ATXN1: variants seen among roughly 807,000 people sequenced by gnomAD.
The protein encoded by ATXN1 is ataxin 1.
In ATXN1, 8 loss-of-function variants were observed where a neutral mutation model predicts 56.4. That is an observed-to-expected ratio of 0.14 (90% CI 0.08 to 0.26). The LOEUF (loss-of-function observed/expected upper bound fraction) is 0.26, where lower values mean the gene tolerates loss of function less well. ATXN1 is among the 10% of genes least tolerant of loss of function. The pLI, the probability that ATXN1 is intolerant of heterozygous loss-of-function variation, is 1.00. For missense variants in ATXN1, 987 were observed against 1,106.5 expected (o/e 0.89, Z 1.53); for synonymous variants, 514 against 494.6 (o/e 1.04, Z -0.52).
At chr6:16,513,117 G>A (rs997469222) in intron 5 of ATXN1, among the ~76,000 whole-genome samples, 2 of 152,188 alleles carry the variant, frequency 1.3e-5, no homozygotes, top group African/African-American at 4.8e-5. Context: ...TACGCCAACA[G>A]AACTAATCTC....
At chr6:16,716,795 C>T (rs372928562) in intron 2 of ATXN1, among the ~76,000 whole-genome samples, 2 of 152,146 alleles carry the variant, frequency 1.3e-5, no homozygotes, top group Non-Finnish European at 2.9e-5. Flanking sequence ...ACTTTATTTA[C>T]AAGAACAGGC....
intron 6 of ATXN1, among the ~76,000 whole-genome samples, chr6:16,349,700 A>C (rs1365267710): frequency 1.3e-5 from 2 of 152,148 alleles, no homozygotes; most frequent in African/African-American, 4.8e-5. Context: ...TAAGTCTCTA[A>C]AATTGTCTTC....
At chr6:16,540,529 A>G (rs896398631) in intron 4 of ATXN1, among the ~76,000 whole-genome samples, 1 of 152,084 alleles carries the variant, frequency 6.6e-6, no homozygotes, top group African/African-American at 2.4e-5. Context: ...AGCTCTCCCA[A>G]CAGCCCAGTG....
At chr6:16,543,541 A>C (rs928550084) in intron 4 of ATXN1, among the ~76,000 whole-genome samples, 2 of 151,832 alleles carry the variant, frequency 1.3e-5, no homozygotes. Flanking sequence ...TTGAACTCCT[A>C]AATATGCCTT....
intron 6 of ATXN1, among the ~76,000 whole-genome samples, chr6:16,346,697 G>A (rs190170306): frequency 6.6e-6 from 1 of 152,214 alleles, no homozygotes; most frequent in African/African-American, 2.4e-5. Context: ...AGGCTGGAGT[G>A]TAGTGAGAGG....
In ATXN1 at chr6:16,306,030, T is replaced by G; in HGVS notation, c.*299A>C. The G allele has an allele frequency of 3.7e-6, 1 of 271,220 alleles. No homozygotes were observed. Among genetic ancestry groups the G allele is most frequent in the Non-Finnish European group, 7.1e-6 (1 of 140,382 alleles). The allele number at this position is 271,220 out of a possible 1,614,324, so 16.8% of individuals were successfully genotyped here. The stretch of plus-strand genomic sequence containing the variant: ...GGGAGTCAGCGCCCCCGGCTGCTTC[T>G]GTGCCGCTAGAGAAGGCAGGCACTG... On this transcript the variant is annotated 3_prime_UTR_variant, in exon 8 of 8. Transcript: ENST00000436367. The surrounding 1 kb of genome is among the most constrained non-coding windows in gnomAD (Gnocchi z 5.2).
rs1762301962 is a variant in ATXN1 at position 16,569,927 on chromosome 6, T to C, written c.-361+15853A>G. On this transcript the variant is annotated intron_variant, in intron 4 of 7. Transcript: ENST00000436367. ...GAAGATCCTTAGGGTCTCCCAACAC[T>C]GAGGGAATGTCTGAGCCTTGCGATA... 2.0e-5 allele frequency among the ~76,000 whole-genome samples: 3 copies of C among 152,146 alleles called. No individual in the cohort carries two copies. In the South Asian group the frequency reaches 6.2e-4, roughly 31 times the overall value.
chr6:16,359,548 G>A (rs903399666), intron 6 of ATXN1, among the ~76,000 whole-genome samples: 1 of 152,054 alleles, frequency 6.6e-6, no homozygotes, highest in African/African-American at 2.4e-5. Context: ...GCTAAGAGGA[G>A]TGCTTCAGAG....
intron 7 of ATXN1, among the ~76,000 whole-genome samples, chr6:16,310,654 A>G (rs4317413): frequency 0.071 from 10,862 of 151,964 alleles, 1,107 homozygotes; most frequent in East Asian, 0.53. Flanking sequence ...ACGCCCAGCT[A>G]CTTTTTGTAT....
At chr6:16,759,347 G>A (rs1404656683) in intron 1 of ATXN1, among the ~76,000 whole-genome samples, 1 of 152,236 alleles carries the variant, frequency 6.6e-6, no homozygotes, top group Non-Finnish European at 1.5e-5. Context: ...TTCTGTGGGT[G>A]TAATAGGGTC....
chr6:16,501,331 A>C (rs941070586), intron 5 of ATXN1, among the ~76,000 whole-genome samples: 1 of 152,194 alleles, frequency 6.6e-6, no homozygotes, highest in African/African-American at 2.4e-5. Context: ...TTTTACTTTA[A>C]GTTCTGGGAT....
chr6:16,742,370 G>A lies in ATXN1; in HGVS notation c.-615+10863C>T, dbSNP rs3806145. Among the ~76,000 whole-genome samples, 3,188 of 152,166 alleles carry A rather than the reference G, an allele frequency of 0.021. 199 individuals are homozygous for A. The East Asian group carries it at 0.24, about 12-fold the overall frequency. On this transcript the variant is annotated intron_variant, in intron 2 of 7. Coordinates refer to ENST00000436367, the MANE Select transcript of ATXN1 (RefSeq NM_001128164.2). ...ACCCAGGCAGCTCCAGAGGTGAACT[G>A]GACACAGAGCCTGGAAAAGGGGAAG...
At chr6:16,638,385 G>A (rs1763638115) in intron 3 of ATXN1, among the ~76,000 whole-genome samples, 1 of 149,640 alleles carries the variant, frequency 6.7e-6, no homozygotes. Flanking sequence ...GGTTGAGGCT[G>A]CAGTGAGCCA....
At chr6:16,311,209 T>C (rs1222730789) in intron 7 of ATXN1, among the ~76,000 whole-genome samples, 8 of 152,236 alleles carry the variant, frequency 5.3e-5, no homozygotes, top group Admixed American at 5.2e-4. Flanking sequence ...TGGAATAGTA[T>C]TGCTCTTCCA....
In ATXN1 at chr6:16,301,030, T is replaced by C. The variant is rs1760077681; in HGVS notation, c.*5299A>G. On this transcript the variant is annotated 3_prime_UTR_variant, in exon 8 of 8. Coordinates refer to ENST00000436367, the MANE Select transcript of ATXN1 (RefSeq NM_001128164.2). ...CCATAACCATACAAATCTGATCATTTAGACATGACAAATTTCTATATACAA... is the reference window on the plus strand; with the variant it reads ...CCATAACCATACAAATCTGATCATTCAGACATGACAAATTTCTATATACAA... The C allele has an allele frequency of 6.6e-6, 1 of 151,724 alleles. No individual in the cohort carries two copies. Among genetic ancestry groups the C allele is most frequent in the Non-Finnish European group, 1.5e-5 (1 of 67,922 alleles). 9.4% of individuals were successfully genotyped at this position (151,724 alleles called of 1,614,324 possible). A position where few individuals can be genotyped will look rare whatever the true frequency, so the allele number is the denominator to read the frequency against.
At chr6:16,387,613 T>C (rs9464887) in intron 6 of ATXN1, among the ~76,000 whole-genome samples, 18,359 of 152,252 alleles carry the variant, frequency 0.12, 1,188 homozygotes, top group African/African-American at 0.15. Flanking sequence ...CCGGGAGTGC[T>C]TGTTGTGTTG....
chr6:16,532,517 A>C (rs1011675470), intron 4 of ATXN1, among the ~76,000 whole-genome samples: 1 of 152,206 alleles, frequency 6.6e-6, no homozygotes, highest in African/African-American at 2.4e-5. Context: ...CTTGAGCAAC[A>C]ACAAAAAACA....
In ATXN1 at chr6:16,301,085, C is replaced by CCTTTT. The variant is rs1760081584; in HGVS notation, c.*5243_*5244insAAAAG. On this transcript the variant is annotated 3_prime_UTR_variant, in exon 8 of 8. Coordinates refer to ENST00000436367, the MANE Select transcript of ATXN1 (RefSeq NM_001128164.2). The stretch of plus-strand genomic sequence containing the variant: ...ACATGTAACTTTCAACCCTTCTCTG[C>CCTTTT]TTTTTTTTTTTTACAAACAAAGTAT... 6.8e-6 allele frequency: 1 copy of CCTTTT among 146,470 alleles called. No homozygotes were observed. Among genetic ancestry groups the CCTTTT allele is most frequent in the Admixed American group, 6.8e-5 (1 of 14,712 alleles). 9.1% of individuals were successfully genotyped at this position (146,470 alleles called of 1,614,324 possible). A position where few individuals can be genotyped will look rare whatever the true frequency, so the allele number is the denominator to read the frequency against.
intron 3 of ATXN1, among the ~76,000 whole-genome samples, chr6:16,606,600 C>T (rs184719498): frequency 4.6e-5 from 7 of 151,856 alleles, no homozygotes; most frequent in South Asian, 2.1e-4. Context: ...GCGATCTCGG[C>T]TCACTGTGAC....
Sources: gnomAD v4.1 joint callset for allele counts (sites outside exome capture counted in the v4.1 genomes callset) on GRCh38, gnomAD v4.1.1 for gene constraint, Gnocchi (gnomAD v3.1) non-coding constraint, MANE v1.5 for transcripts, NCBI Gene and HGNC (gene_info 2026-07-23, HGNC 2026-07-21) for gene names.